STX12: variants seen among roughly 807,000 people sequenced by gnomAD.
STX12 encodes syntaxin 12.
A neutral mutation model predicts 42.2 loss-of-function variants in STX12; 17 were observed. The ratio of observed to expected loss-of-function variants is 0.40; its 90% CI spans 0.28 to 0.60. The LOEUF is 0.60. STX12 is among the 20% of genes least tolerant of loss of function. The pLI is 0.39. For synonymous variants in STX12, 108 were observed against 116.7 expected, an observed-to-expected ratio of 0.93 and a Z score of 0.48; for missense variants, 297 against 330.9, an observed-to-expected ratio of 0.90 and a Z score of 0.79.
chr1:27,799,454 T>A (rs1297357889), intron 3 of STX12, among the ~76,000 whole-genome samples: 2 of 150,890 alleles, frequency 1.3e-5, no homozygotes, highest in Non-Finnish European at 2.9e-5. Flanking sequence ...TCTTTAGAGG[T>A]TGAACCCCAA....
chr1:27,779,471 T>A (rs1006291331), intron 1 of STX12, among the ~76,000 whole-genome samples: 2 of 151,390 alleles, frequency 1.3e-5, no homozygotes, highest in Admixed American at 1.3e-4. Flanking sequence ...GTTGCTGGGA[T>A]TACAGGACCT....
At chr1:27,779,912 C>T (rs1178608634) in intron 1 of STX12, among the ~76,000 whole-genome samples, 1 of 152,080 alleles carries the variant, frequency 6.6e-6, no homozygotes, top group Non-Finnish European at 1.5e-5. Context: ...CAGCCTCAGC[C>T]TCCCGAGTAG....
At chr1:27,805,123 A>T (rs2088855019) in intron 4 of STX12, among the ~76,000 whole-genome samples, 2 of 152,150 alleles carry the variant, frequency 1.3e-5, no homozygotes. Flanking sequence ...CTCGCCCTTG[A>T]CACGTGGGGA....
At chr1:27,798,780 C>CAAAAA (rs61253983) in intron 3 of STX12, among the ~76,000 whole-genome samples, 1 of 54,530 alleles carries the variant, frequency 1.8e-5, no homozygotes, top group African/African-American at 6.3e-5. Flanking sequence ...GACTCCGTCT[C>CAAAAA]AAAAAAAAAA....
At chr1:27,782,647 C>T (rs777297707) in intron 1 of STX12, among the ~76,000 whole-genome samples, 3 of 151,978 alleles carry the variant, frequency 2.0e-5, no homozygotes, top group Non-Finnish European at 2.9e-5. Flanking sequence ...AGACCAGCCT[C>T]GCTAACATGG....
rs868416453 is a variant in STX12 at position 27,793,621 on chromosome 1, AC to A, written c.278del (p.Thr93IlefsTer15). The stretch of plus-strand genomic sequence containing the variant: ...AGGGTCCTTGCCCCTTCCCTTATCT[AC>A]TTCAGAACAGGTTGGTATTTTCTGT... ...ELGSLPLPLS[T>X]SEQRQQRLQK... On this transcript the variant is annotated frameshift_variant, in exon 3 of 9. Transcript: ENST00000373943. LOFTEE classifies it high-confidence loss of function. 6.2e-7 allele frequency: 1 copy of A among 1,613,384 alleles called. No homozygotes were observed. Among genetic ancestry groups the A allele is most frequent in the Non-Finnish European group, 8.5e-7 (1 of 1,179,526 alleles).
rs1460868138 is a variant in STX12 at position 27,798,667 on chromosome 1, G to A, written c.289-3011G>A. On this transcript the variant is annotated intron_variant, in intron 3 of 8. Transcript: ENST00000373943. ...CTCAAAAAAAAAAAAAAAAAAAATC[G>A]CGCCACTGCACTGCAGCCTGGGTGA... Among the ~76,000 whole-genome samples the A allele has an allele frequency of 3.0e-5, 4 of 131,930 alleles. No homozygotes were observed. The East Asian group carries it at 6.6e-4, about 22-fold the overall frequency. The allele number at this position is 131,930 out of a possible 152,430, so 86.6% of individuals were successfully genotyped here.
At chr1:27,817,778 T>G (rs867414740) in intron 6 of STX12, 73 bp from the exon 7 acceptor site, 10 of 1,377,700 alleles carry the variant, frequency 7.3e-6, no homozygotes, top group Middle Eastern at 2.3e-4. Context: ...TAGCTAAAAC[T>G]TTAGGTACGT....
chr1:27,788,523 A>G (rs186511057), intron 1 of STX12, among the ~76,000 whole-genome samples: 17 of 152,288 alleles, frequency 1.1e-4, no homozygotes, highest in African/African-American at 4.1e-4. Context: ...GCAAATATCT[A>G]GGAAAAGGTA....
chr1:27,775,137 C>A (rs1382852771), intron 1 of STX12, among the ~76,000 whole-genome samples: 1 of 152,132 alleles, frequency 6.6e-6, no homozygotes, highest in Non-Finnish European at 1.5e-5. Context: ...CTTGTTGAAG[C>A]TAAATCTAAT....
intron 3 of STX12, among the ~76,000 whole-genome samples, chr1:27,795,145 T>C (rs925196306): frequency 1.3e-5 from 2 of 152,130 alleles, no homozygotes; most frequent in Non-Finnish European, 2.9e-5. Context: ...TTGTGGCTAG[T>C]GGAACATGAA....
intron 1 of STX12, among the ~76,000 whole-genome samples, chr1:27,781,514 G>T (rs1447238369): frequency 2.0e-5 from 3 of 152,108 alleles, no homozygotes; most frequent in African/African-American, 4.8e-5. Flanking sequence ...TTGTTAAAAT[G>T]GAGTTAATAA....
chr1:27,816,473 C>CA (rs573643836), intron 6 of STX12, among the ~76,000 whole-genome samples: 6 of 148,340 alleles, frequency 4.0e-5, no homozygotes, highest in Non-Finnish European at 6.0e-5. Flanking sequence ...GACTCTGTCT[C>CA]AAAAAAAACA....
intron 1 of STX12, among the ~76,000 whole-genome samples, chr1:27,784,259 T>G (rs1158822383): frequency 6.6e-6 from 1 of 152,208 alleles, no homozygotes; most frequent in Non-Finnish European, 1.5e-5. Context: ...CTTGCTCTGT[T>G]GCTTAGGCTG....
rs10794506 is a variant in STX12 at position 27,793,815 on chromosome 1, A to G, written c.288+183A>G. ...TGTTGGGGCAATAGAAAGAATGTAC[A>G]CACCAGATGTGGCAAAGTGTCTGCG... On this transcript the variant is annotated intron_variant, in intron 3 of 8. Coordinates refer to ENST00000373943, the MANE Select transcript of STX12 (RefSeq NM_177424.3). Among the ~76,000 whole-genome samples the G allele has an allele frequency of 0.17, 26,390 of 151,956 alleles. 6,016 individuals are homozygous for G. The highest frequency in any genetic ancestry group is 0.52 in the African/African-American group (21,631 of 41,342).
chr1:27,822,501 A>G lies in STX12; in HGVS notation c.*172A>G. On this transcript the variant is annotated 3_prime_UTR_variant, in exon 9 of 9. Transcript: ENST00000373943. ...GAATTCGTGACCTATGGAGACAGTA[A>G]TTATCAATTTATTGATTCTATTGAT... 2.0e-6 allele frequency: 1 copy of G among 497,876 alleles called. No homozygotes were observed. Among genetic ancestry groups the G allele is most frequent in the Non-Finnish European group, 3.6e-6 (1 of 276,002 alleles). The allele number at this position is 497,876 out of a possible 1,614,324, so 30.8% of individuals were successfully genotyped here.
intron 1 of STX12, among the ~76,000 whole-genome samples, chr1:27,774,214 G>A (rs2148594920): frequency 6.6e-6 from 1 of 152,312 alleles, no homozygotes; most frequent in South Asian, 2.1e-4. Flanking sequence ...GCATGGTAGA[G>A]TTGTTGGTGG....
Position 27,822,298 on chromosome 1 carries a change from T to G in STX12, c.800T>G (p.Leu267Arg). ...VLSVIILILG[L>R]IIWLVYKTK ...TCAGTGATTATTCTAATCTTGGGAC[T>G]TATTATCTGGCTAGTTTATAAAACG... The change falls in exon 9 of 9, where the codon CTT becomes CGT. Residue 267 changes from leucine (L) to arginine (R), a missense_variant. Coordinates refer to ENST00000373943, the MANE Select transcript of STX12 (RefSeq NM_177424.3). 3 of 1,613,252 alleles carry G rather than the reference T, an allele frequency of 1.9e-6. No individual in the cohort carries two copies.
At chr1:27,799,399 T>C (rs1013776518) in intron 3 of STX12, among the ~76,000 whole-genome samples, 1 of 152,188 alleles carries the variant, frequency 6.6e-6, no homozygotes, top group African/African-American at 2.4e-5. Context: ...GTTACTATTT[T>C]GTACCCATGA....
Sources: gnomAD v4.1 joint callset for allele counts (sites outside exome capture counted in the v4.1 genomes callset) on GRCh38, gnomAD v4.1.1 for gene constraint, MANE v1.5 for transcripts, NCBI Gene and HGNC (gene_info 2026-07-23, HGNC 2026-07-21) for gene names.